The following HERC1 variants were observed in gnomAD, a reference collection of about 807,000 sequenced individuals.
HERC1 encodes the protein probable E3 ubiquitin-protein ligase HERC1.
Under a neutral mutation model 554.3 loss-of-function variants are expected in HERC1, and 160 were observed. That is an observed-to-expected ratio of 0.29 (90% confidence interval 0.25 to 0.33). The LOEUF (loss-of-function observed/expected upper bound fraction) is 0.33. Ranked by LOEUF, HERC1 falls within the 10% of genes least tolerant of loss-of-function variation. The probability of loss-of-function intolerance (pLI) is 1.00; values close to 1 mark genes in which losing one functional copy is unlikely to be tolerated. For synonymous variants in HERC1, 2,175 were observed against 2,131.7 expected, an observed-to-expected ratio of 1.02 and a Z score of -0.56; for missense variants, 4,919 against 5,918.5, an observed-to-expected ratio of 0.83 and a Z score of 5.54.
chr15:63,674,236 AAT>A, intron 38 of HERC1, 104 bp downstream of exon 38: 187 of 959,066 alleles, frequency 1.9e-4, no homozygotes, highest in South Asian at 2.5e-4. Context: ...CCAAAAAAAA[AAT>A]TTTTTTTTTT....
In HERC1 at chr15:63,692,915, T is replaced by G. The variant is rs2072188455; in HGVS notation, c.5675-349A>C. Among the ~76,000 whole-genome samples the G allele has an allele frequency of 6.6e-6, 1 of 152,144 alleles. No individual in the cohort carries two copies. Among genetic ancestry groups the G allele is most frequent in the Admixed American group, 6.5e-5 (1 of 15,274 alleles). On this transcript the variant is annotated intron_variant, in intron 30 of 77. Transcript: ENST00000443617. The surrounding 1 kb of genome is among the most constrained non-coding windows in gnomAD (Gnocchi z 4.7). ...CAAATATCAGGACAGGCGCAATGGC[T>G]CACATCTGTAATCCCAGCACTTTGG...
intron 42 of HERC1, among the ~76,000 whole-genome samples, chr15:63,664,893 C>T (rs2070540567): frequency 6.6e-6 from 1 of 152,086 alleles, no homozygotes; most frequent in Non-Finnish European, 1.5e-5. Flanking sequence ...AGATTAAATA[C>T]TTAAAATTTG....
intron 2 of HERC1, among the ~76,000 whole-genome samples, chr15:63,768,467 C>A (rs867981589): frequency 1.8e-4 from 27 of 152,232 alleles, no homozygotes; most frequent in Admixed American, 9.8e-4. Context: ...CCTAGACATA[C>A]AATGTGTTGC....
intron 3 of HERC1, among the ~76,000 whole-genome samples, chr15:63,760,814 T>C (rs948012226): frequency 3.3e-5 from 5 of 152,068 alleles, no homozygotes; most frequent in Non-Finnish European, 7.4e-5. Context: ...GATTTGAAAC[T>C]ACATATTGAA....
At chr15:63,729,672 T>C in intron 14 of HERC1, 23 bp from the exon 15 acceptor site, 1 of 1,611,384 alleles carries the variant, frequency 6.2e-7, no homozygotes, top group Non-Finnish European at 8.5e-7. Context: ...ACAAAGGAAG[T>C]TTATATTTGA....
intron 1 of HERC1, among the ~76,000 whole-genome samples, chr15:63,781,304 A>T (rs2076282765): frequency 6.6e-6 from 1 of 152,188 alleles, no homozygotes; most frequent in Admixed American, 6.5e-5. Context: ...TTTTTTACAA[A>T]TTGAAGGTTT....
chr15:63,654,739 C>T (rs543025779), intron 50 of HERC1, among the ~76,000 whole-genome samples: 9 of 151,198 alleles, frequency 6.0e-5, no homozygotes, highest in Admixed American at 2.0e-4. Flanking sequence ...TATGGTGGCA[C>T]GTGCCTATAA....
intron 1 of HERC1, among the ~76,000 whole-genome samples, chr15:63,829,743 G>A (rs2078091945): frequency 1.3e-5 from 2 of 151,442 alleles, no homozygotes; most frequent in South Asian, 4.2e-4. Flanking sequence ...TCGACTCCAG[G>A]ACTGGTGCAA....
At chr15:63,646,389 C>G (rs1231551099) in intron 55 of HERC1, among the ~76,000 whole-genome samples, 4 of 151,938 alleles carry the variant, frequency 2.6e-5, no homozygotes, top group African/African-American at 9.7e-5. Context: ...ATAGACTTAT[C>G]CATGTATATC....
chr15:63,735,309 T>C (rs1030738289), intron 12 of HERC1, among the ~76,000 whole-genome samples: 2 of 145,980 alleles, frequency 1.4e-5, no homozygotes, highest in Admixed American at 1.5e-4. Context: ...TCATGGAAGA[T>C]ATCCCTGAGG....
intron 2 of HERC1, among the ~76,000 whole-genome samples, chr15:63,771,462 G>T (rs190190197): frequency 1.8e-3 from 266 of 147,500 alleles, no homozygotes; most frequent in Non-Finnish European, 3.2e-3. Context: ...AGACAGTCTT[G>T]GTCTGTCACC....
Position 63,810,876 on chromosome 15 carries a change from T to C in HERC1, c.-27+22951A>G, listed in dbSNP as rs150867346. Among the ~76,000 whole-genome samples, 81 of 152,314 alleles carry C rather than the reference T, an allele frequency of 5.3e-4. 1 individual carries two copies. In the East Asian group the frequency reaches 0.015, roughly 29 times the overall value. On this transcript the variant is annotated intron_variant, in intron 1 of 77. Transcript: ENST00000443617. ...GCACTGAGTGCCTCCTGAGGTGATTTAAGGAGTACATAACATCACCTACAT... is the reference window on the plus strand; with the variant it reads ...GCACTGAGTGCCTCCTGAGGTGATTCAAGGAGTACATAACATCACCTACAT...
At chr15:63,828,815 G>C (rs76276503) in intron 1 of HERC1, among the ~76,000 whole-genome samples, 286 of 152,276 alleles carry the variant, frequency 1.9e-3, no homozygotes, top group African/African-American at 6.8e-3. Context: ...TTAAACTAAA[G>C]GGAGTGGTAA....
At chr15:63,676,648 CG>C (rs1228262241) in intron 37 of HERC1, among the ~76,000 whole-genome samples, 2 of 152,022 alleles carry the variant, frequency 1.3e-5, no homozygotes, top group Non-Finnish European at 2.9e-5. Flanking sequence ...CCCAGCTACT[CG>C]GAAGACTGAG....
chr15:63,763,968 G>C (rs781696098), intron 3 of HERC1, 128 bp downstream of exon 3: 3 of 225,538 alleles, frequency 1.3e-5, no homozygotes, highest in Non-Finnish European at 2.7e-5. Context: ...CCTCTCTCTA[G>C]AGGTAACAAC....
intron 12 of HERC1, among the ~76,000 whole-genome samples, chr15:63,742,975 G>A (rs1441840466): frequency 6.6e-6 from 1 of 152,088 alleles, no homozygotes. Context: ...CACAATTAGG[G>A]TAATACTGGC....
chr15:63,772,963 T>C (rs2075996282), intron 2 of HERC1, among the ~76,000 whole-genome samples: 1 of 152,182 alleles, frequency 6.6e-6, no homozygotes, highest in Non-Finnish European at 1.5e-5. Context: ...AACTTAAATG[T>C]CCCTGGTTTG....
chr15:63,758,175 G>C lies in HERC1; in HGVS notation c.1221C>G (p.Thr407=). The change falls in exon 4 of 78, where the codon ACC becomes ACG. Residue 407 remains threonine (T), a splice_region_variant and synonymous_variant. Transcript: ENST00000443617. The surrounding 1 kb of genome is among the most constrained non-coding windows in gnomAD (Gnocchi z 4.0). ...TTTGTAAGCTATTTAGAAAACTTAC[G>C]GTCTGTGCATCAGAGAAACTAGGAG... The part of the protein sequence containing the change: ...KLAPSFSDAQ[T]IEAGQYCTFV... 1.3e-6 allele frequency: 2 copies of C among 1,590,384 alleles called. No individual in the cohort carries two copies. The highest frequency in any genetic ancestry group is 1.7e-6 in the Non-Finnish European group (2 of 1,160,816).
intron 3 of HERC1, among the ~76,000 whole-genome samples, chr15:63,762,319 ATTAT>A (rs779195461): frequency 3.9e-5 from 6 of 152,040 alleles, no homozygotes; most frequent in African/African-American, 4.8e-5. Flanking sequence ...GTTCATAATG[ATTAT>A]TTATTTATTT....
Sources: gnomAD v4.1 joint callset for allele counts (sites outside exome capture counted in the v4.1 genomes callset) on GRCh38, gnomAD v4.1.1 for gene constraint, Gnocchi (gnomAD v3.1) non-coding constraint, MANE v1.5 for transcripts, NCBI Gene and HGNC (gene_info 2026-07-23, HGNC 2026-07-21) for gene names.